Variants in TTC7A observed in about 807,000 individuals in gnomAD.
TTC7A encodes tetratricopeptide repeat protein 7A.
Under a neutral mutation model 103.7 loss-of-function variants are expected in TTC7A, and 110 were observed. That is an observed-to-expected ratio of 1.06 (90% CI 0.91 to 1.24). The LOEUF is 1.24. TTC7A is among the 50% of genes most tolerant of loss of function. The pLI, the probability that TTC7A is intolerant of heterozygous loss-of-function variation, is 0.00. For missense variants in TTC7A, 1,340 were observed against 1,116.3 expected (o/e 1.20, Z -2.86); for synonymous variants, 521 against 467.9 (o/e 1.11, Z -1.47).
chr2:47,029,167 T>A (rs1225239872), intron 14 of TTC7A, 57 bp from the exon 15 acceptor site: 2 of 1,594,144 alleles, frequency 1.3e-6, no homozygotes, highest in Non-Finnish European at 1.7e-6. Context: ...ACGTGGCTCC[T>A]GAGTCCCAGG....
At chr2:47,052,887 A>AG (rs912180385) in intron 18 of TTC7A, among the ~76,000 whole-genome samples, 6 of 152,048 alleles carry the variant, frequency 3.9e-5, no homozygotes, top group South Asian at 2.1e-4. Context: ...TATTGTCCCC[A>AG]GGGGGGGAGT....
At chr2:46,974,812 C>A (rs560631934) in intron 3 of TTC7A, 161 bp from the exon 4 acceptor site, 2 of 947,922 alleles carry the variant, frequency 2.1e-6, no homozygotes, top group East Asian at 5.4e-5. Context: ...CTAACACCAC[C>A]GTCGCTTCAG....
At chr2:47,050,131 G>C in intron 17 of TTC7A, 85 bp downstream of exon 17, 1 of 1,197,570 alleles carries the variant, frequency 8.4e-7, no homozygotes, top group South Asian at 1.2e-5. Flanking sequence ...GAGAGGGGCC[G>C]GGCCCTCTCC....
At chr2:46,961,470 A>T (rs11125105) in intron 3 of TTC7A, among the ~76,000 whole-genome samples, 1 of 151,008 alleles carries the variant, frequency 6.6e-6, no homozygotes, top group South Asian at 2.1e-4. Flanking sequence ...CCAGCTACTC[A>T]GGAGGCTGAG....
chr2:47,049,198 C>A (rs903776659), intron 16 of TTC7A, among the ~76,000 whole-genome samples: 5 of 152,090 alleles, frequency 3.3e-5, no homozygotes, highest in Admixed American at 2.0e-4. Flanking sequence ...TCTAAGTTTC[C>A]CCAGTCAACA....
intron 15 of TTC7A, among the ~76,000 whole-genome samples, chr2:47,039,062 C>T (rs1463006290): frequency 2.6e-5 from 4 of 152,164 alleles, no homozygotes; most frequent in Non-Finnish European, 5.9e-5. Flanking sequence ...CTCTCTTCCC[C>T]TTAGTTCTCC....
At chr2:46,929,077 C>A (rs1049476282) in intron 2 of TTC7A, among the ~76,000 whole-genome samples, 2 of 151,604 alleles carry the variant, frequency 1.3e-5, no homozygotes, top group Non-Finnish European at 2.9e-5. Flanking sequence ...GTGGGAGAAT[C>A]GCTTGAACCT....
chr2:47,017,513 G>A (rs139305605), intron 11 of TTC7A, among the ~76,000 whole-genome samples: 3 of 152,230 alleles, frequency 2.0e-5, no homozygotes, highest in Non-Finnish European at 4.4e-5. Flanking sequence ...CTCCAGCCTG[G>A]GTTACAGAGC....
chr2:47,001,623 G>A (rs550948005), intron 8 of TTC7A, among the ~76,000 whole-genome samples: 3 of 152,214 alleles, frequency 2.0e-5, no homozygotes, highest in East Asian at 3.9e-4. Flanking sequence ...TTGGGAGGCC[G>A]AGGCGGGCGG....
At chr2:46,944,887 T>G (rs1670798213) in intron 1 of TTC7A, among the ~76,000 whole-genome samples, 1 of 152,148 alleles carries the variant, frequency 6.6e-6, no homozygotes, top group Non-Finnish European at 1.5e-5. Context: ...TTATTACACC[T>G]TACAAAAATC....
chr2:47,047,470 G>A, intron 16 of TTC7A: 1 of 618,920 alleles, frequency 1.6e-6, no homozygotes, highest in Non-Finnish European at 2.8e-6. Flanking sequence ...TTTTCAGAAT[G>A]AGAATTTGAA....
rs76562327 is a variant in TTC7A at position 46,952,761 on chromosome 2, A to C, written c.348+2235A>C. Among the ~76,000 whole-genome samples the C allele has an allele frequency of 0.019, 2,831 of 152,184 alleles. 378 individuals carry two copies. The East Asian group carries it at 0.35, about 19-fold the overall frequency. ...AGCAAGATCCTGTCTCACACACACA[A>C]AAAAAGTTCTTGTTTTCCAACCTCA... On this transcript the variant is annotated intron_variant, in intron 2 of 19. Coordinates refer to ENST00000319190, the MANE Select transcript of TTC7A (RefSeq NM_020458.4).
At chr2:46,946,130 A>G (rs989148901) in intron 1 of TTC7A, among the ~76,000 whole-genome samples, 5 of 152,204 alleles carry the variant, frequency 3.3e-5, no homozygotes, top group African/African-American at 1.2e-4. Context: ...GAGGCCTTCC[A>G]GACACGATGG....
intron 14 of TTC7A, among the ~76,000 whole-genome samples, chr2:47,027,629 A>T (rs1680055872): frequency 6.6e-6 from 1 of 152,224 alleles, no homozygotes; most frequent in Non-Finnish European, 1.5e-5. Flanking sequence ...GCTCTTGTGT[A>T]TTCACAAATA....
intron 2 of TTC7A, chr2:46,956,587 G>T: frequency 2.0e-6 from 1 of 499,764 alleles, no homozygotes; most frequent in Non-Finnish European, 3.6e-6. Flanking sequence ...GTCTTGCTGG[G>T]GGCATAAAAC....
At chr2:47,002,195 A>G (rs557524274) in intron 8 of TTC7A, among the ~76,000 whole-genome samples, 38 of 152,204 alleles carry the variant, frequency 2.5e-4, no homozygotes, top group Non-Finnish European at 3.7e-4. Flanking sequence ...CAGGACAACT[A>G]CACAAGCCCT....
Position 47,075,446 on chromosome 2 carries a change from A to G in TTC7A, c.*1523A>G, listed in dbSNP as rs983232955. ...TTTTTGGTACTAGGAAAGGCACCCA[A>G]TGCATTTCCTGACTTTTAAGCATTT... is the stretch of plus-strand genomic sequence containing the variant. On this transcript the variant is annotated 3_prime_UTR_variant, in exon 20 of 20. Transcript: ENST00000319190. 13 of 152,350 alleles carry G rather than the reference A, an allele frequency of 8.5e-5. No homozygotes were observed. Among genetic ancestry groups the G allele is most frequent in the Non-Finnish European group, 1.8e-4 (12 of 68,020 alleles). The allele number at this position is 152,350 out of a possible 1,614,324, so 9.4% of individuals were successfully genotyped here.
At chr2:47,047,311 C>G (rs1254613358) in intron 16 of TTC7A, 1 of 1,549,660 alleles carries the variant, frequency 6.5e-7, no homozygotes, top group Admixed American at 2.0e-5. Flanking sequence ...AGAGGAACAT[C>G]TGTAACAGTG....
intron 18 of TTC7A, among the ~76,000 whole-genome samples, chr2:47,055,145 T>TC (rs1209040195): frequency 2.0e-5 from 3 of 151,078 alleles, no homozygotes; most frequent in African/African-American, 4.9e-5. Flanking sequence ...ACAATCAGCA[T>TC]CCCCCCGCCA....
Sources: gnomAD v4.1 joint callset for allele counts (sites outside exome capture counted in the v4.1 genomes callset) on GRCh38, gnomAD v4.1.1 for gene constraint, MANE v1.5 for transcripts, NCBI Gene and HGNC (gene_info 2026-07-23, HGNC 2026-07-21) for gene names.